SGK3: variants seen among roughly 807,000 people sequenced by gnomAD.
SGK3 encodes the protein serum/glucocorticoid regulated kinase family member 3.
A neutral mutation model predicts 68.5 loss-of-function variants in SGK3; 47 were observed. The observed-to-expected ratio is 0.69, with a 90% CI of 0.54 to 0.87. The LOEUF (loss-of-function observed/expected upper bound fraction) is 0.87. Among genes scored for constraint, SGK3 ranks in the 40% least tolerant of loss-of-function variants. The pLI, the probability that SGK3 is intolerant of heterozygous loss-of-function variation, is 0.00. For synonymous variants in SGK3, 181 were observed against 189.1 expected (o/e 0.96, Z 0.35); for missense variants, 479 against 575.5 (o/e 0.83, Z 1.72).
At chr8:66,775,811 G>A (rs994566778) in intron 1 of SGK3, among the ~76,000 whole-genome samples, 1 of 151,512 alleles carries the variant, frequency 6.6e-6, no homozygotes, top group African/African-American at 2.4e-5. Flanking sequence ...GGTTACGTAG[G>A]GAGTGTATCT....
chr8:66,809,031 G>A (rs964943259), intron 4 of SGK3, among the ~76,000 whole-genome samples: 1 of 151,264 alleles, frequency 6.6e-6, no homozygotes, highest in Non-Finnish European at 1.5e-5. Flanking sequence ...CACCATGCCC[G>A]GCTAATTTTG....
chr8:66,803,740 C>G (rs1400891509), intron 3 of SGK3, among the ~76,000 whole-genome samples: 1 of 150,736 alleles, frequency 6.6e-6, no homozygotes, highest in East Asian at 1.9e-4. Context: ...CCCTGCAGCC[C>G]CAACCTTCCA....
intron 1 of SGK3, among the ~76,000 whole-genome samples, chr8:66,760,428 G>A (rs1228735638): frequency 6.9e-6 from 1 of 145,144 alleles, no homozygotes; most frequent in Non-Finnish European, 1.5e-5. Context: ...TCTGCCTCCC[G>A]GGTTCACACC....
Position 66,847,057 on chromosome 8 carries a change from A to G in SGK3, c.1075-136A>G, listed in dbSNP as rs566204690. The G allele has an allele frequency of 1.5e-5, 19 of 1,225,962 alleles. No homozygotes were observed. In the Admixed American group the frequency reaches 4.4e-4, roughly 29 times the overall value. The allele number at this position is 1,225,962 out of a possible 1,614,324, so 75.9% of individuals were successfully genotyped here. A position where few individuals can be genotyped will look rare whatever the true frequency, so the allele number is the denominator to read the frequency against. On this transcript the variant is annotated intron_variant, in intron 14 of 16. Coordinates refer to ENST00000521198, the MANE Select transcript of SGK3 (RefSeq NM_001033578.3). ...GAATCTCTTTGCTTCAGGAAGCCACACTGCAGGTGTCTACACGTCCCAAGA... is the reference window on the plus strand; with the variant it reads ...GAATCTCTTTGCTTCAGGAAGCCACGCTGCAGGTGTCTACACGTCCCAAGA...
intron 1 of SGK3, among the ~76,000 whole-genome samples, chr8:66,791,768 A>C (rs1026746341): frequency 6.6e-5 from 10 of 152,134 alleles, no homozygotes; most frequent in African/African-American, 2.4e-4. Context: ...GAGGAGAAGC[A>C]TGGGTTAATG....
chr8:66,732,810 A>G (rs1032270663), intron 1 of SGK3, among the ~76,000 whole-genome samples: 5 of 152,162 alleles, frequency 3.3e-5, no homozygotes, highest in African/African-American at 1.2e-4. Flanking sequence ...GTGCCACTGC[A>G]CTCCAGCGTG....
At chr8:66,786,297 C>A (rs1807195952) in intron 1 of SGK3, among the ~76,000 whole-genome samples, 2 of 152,186 alleles carry the variant, frequency 1.3e-5, no homozygotes, top group Non-Finnish European at 2.9e-5. Context: ...GATAGAAGCC[C>A]TGAAGTCAGA....
At chr8:66,833,592 T>C (rs565662086) in intron 8 of SGK3, among the ~76,000 whole-genome samples, 12 of 152,372 alleles carry the variant, frequency 7.9e-5, no homozygotes, top group South Asian at 2.1e-4. Flanking sequence ...GGAAGAATTA[T>C]CATCTTTACA....
rs531350816 is a variant in SGK3 at position 66,764,483 on chromosome 8, T to G, written c.-121-29133T>G. On this transcript the variant is annotated intron_variant, in intron 1 of 16. Transcript: ENST00000521198. The stretch of plus-strand genomic sequence containing the variant: ...ACATTATCTTTTGTTTTTGTTTTGT[T>G]TTTTGAGAAAGGGCCTCACTCCAGT... Among the ~76,000 whole-genome samples the G allele has an allele frequency of 1.9e-4, 29 of 152,294 alleles. No homozygotes were observed. In the South Asian group the frequency reaches 5.6e-3, roughly 29 times the overall value.
intron 1 of SGK3, chr8:66,767,769 T>C (rs774532049): frequency 1.3e-6 from 2 of 1,577,938 alleles, no homozygotes; most frequent in Admixed American, 3.3e-5. Context: ...GTTTGAGGGG[T>C]CCATTGGTCT....
intron 8 of SGK3, among the ~76,000 whole-genome samples, chr8:66,833,966 C>T (rs1410023675): frequency 6.6e-6 from 1 of 152,260 alleles, no homozygotes; most frequent in Non-Finnish European, 1.5e-5. Flanking sequence ...GCTGGGATTA[C>T]AGGCGTGAGC....
At chr8:66,797,946 A>G (rs1807766189) in intron 2 of SGK3, among the ~76,000 whole-genome samples, 1 of 152,186 alleles carries the variant, frequency 6.6e-6, no homozygotes, top group African/African-American at 2.4e-5. Flanking sequence ...ATTTTGTAAC[A>G]TTTGAAAAAT....
intron 16 of SGK3, among the ~76,000 whole-genome samples, chr8:66,852,422 C>T (rs904126779): frequency 4.6e-5 from 7 of 151,778 alleles, no homozygotes; most frequent in African/African-American, 1.5e-4. Flanking sequence ...GCTGGGACTA[C>T]AGGCATGCGC....
At chr8:66,826,850 G>T (rs949929312) in intron 6 of SGK3, among the ~76,000 whole-genome samples, 21 of 151,806 alleles carry the variant, frequency 1.4e-4, no homozygotes, top group Non-Finnish European at 2.1e-4. Flanking sequence ...TCACCATGTT[G>T]GCCAGGCTGA....
rs974054531 is a variant in SGK3, at chr8:66,817,429, C to CA, written c.329+3511dup. 2.7e-3 allele frequency among the ~76,000 whole-genome samples: 365 copies of CA among 137,566 alleles called. 3 individuals carry two copies. Among genetic ancestry groups the CA allele is most frequent in the African/African-American group, 7.6e-3 (288 of 38,144 alleles). The allele number at this position is 137,566 out of a possible 152,430, so 90.2% of individuals were successfully genotyped here. A position where few individuals can be genotyped will look rare whatever the true frequency, so the allele number is the denominator to read the frequency against. On this transcript the variant is annotated intron_variant, in intron 5 of 16. Coordinates refer to ENST00000521198, the MANE Select transcript of SGK3 (RefSeq NM_001033578.3). ...CTGGCGACAGAGTGAGACTCCATCT[C>CA]AAAAAAAAAACAAAAAAACAAACGG...
intron 1 of SGK3, chr8:66,737,347 C>T (rs1423252680): frequency 6.7e-6 from 1 of 150,126 alleles, no homozygotes; most frequent in Non-Finnish European, 1.5e-5. Flanking sequence ...GGTGAGACCT[C>T]ATCTCTTAAA....
chr8:66,828,550 C>A, intron 6 of SGK3, 104 bp from the exon 7 acceptor site: 1 of 1,539,016 alleles, frequency 6.5e-7, no homozygotes, highest in Non-Finnish European at 8.9e-7. Flanking sequence ...AACATGGCAA[C>A]AAACCAAATA....
At chr8:66,750,921 T>A (rs1213741705) in intron 1 of SGK3, among the ~76,000 whole-genome samples, 1 of 147,746 alleles carries the variant, frequency 6.8e-6, no homozygotes, top group African/African-American at 2.5e-5. Flanking sequence ...GTGGGAGGAT[T>A]GCTTGAGCCC....
intron 1 of SGK3, among the ~76,000 whole-genome samples, chr8:66,762,401 C>A (rs1053327276): frequency 1.3e-4 from 20 of 152,072 alleles, no homozygotes; most frequent in African/African-American, 4.1e-4. Flanking sequence ...CCTTTAATCC[C>A]AGGTACTCGG....
Sources: allele counts gnomAD v4.1 joint callset (sites outside exome capture counted in the v4.1 genomes callset), GRCh38; gene constraint gnomAD v4.1.1; transcripts MANE v1.5; gene names NCBI Gene and HGNC (gene_info 2026-07-23, HGNC 2026-07-21).